ITGAD: variants seen among roughly 807,000 people sequenced by gnomAD.
The protein encoded by ITGAD is integrin alpha-D.
In ITGAD, 105 loss-of-function variants were observed where a neutral mutation model predicts 139.0. The ratio of observed to expected loss-of-function variants is 0.76; its 90% CI spans 0.65 to 0.89. The LOEUF (loss-of-function observed/expected upper bound fraction) is 0.89. ITGAD is among the 40% of genes least tolerant of loss of function. The probability of loss-of-function intolerance (pLI) is 0.00; values close to 1 mark genes in which losing one functional copy is unlikely to be tolerated. For missense variants in ITGAD, 1,384 were observed against 1,487.3 expected (o/e 0.93, Z 1.14); for synonymous variants, 569 against 598.3 (o/e 0.95, Z 0.71).
At chr16:31,404,853 CCTCCCTTT>C (rs1184043850) in intron 7 of ITGAD, among the ~76,000 whole-genome samples, 2 of 148,278 alleles carry the variant, frequency 1.3e-5, no homozygotes, top group African/African-American at 5.0e-5. Flanking sequence ...TTCCTCTCTT[CCTCCCTTT>C]CTCCCTTCCC....
At chr16:31,418,236 C>T (rs1327107301) in intron 21 of ITGAD, 45 bp downstream of exon 21, 3 of 1,603,706 alleles carry the variant, frequency 1.9e-6, no homozygotes, top group Middle Eastern at 3.3e-4. Context: ...TCCCTTGTCC[C>T]AATCTGTCCC....
chr16:31,413,079 T>A lies in ITGAD; in HGVS notation c.1839-10T>A. The A allele has an allele frequency of 6.2e-7, 1 of 1,613,980 alleles. No homozygotes were observed. The highest frequency in any genetic ancestry group is 8.5e-7 in the Non-Finnish European group (1 of 1,179,950). Reference sequence around the variant, plus strand: ...CAGTGTTCTGTCCTCCCCACTACTCTGCCCCTCAGGAGTCTGCCGGTGCTG... The same window carrying A: ...CAGTGTTCTGTCCTCCCCACTACTCAGCCCCTCAGGAGTCTGCCGGTGCTG... On this transcript the variant is annotated splice_polypyrimidine_tract_variant and intron_variant, in intron 15 of 29. Coordinates refer to ENST00000389202, the MANE Select transcript of ITGAD (RefSeq NM_005353.3).
intron 23 of ITGAD, among the ~76,000 whole-genome samples, chr16:31,420,107 G>A (rs530265129): frequency 6.6e-6 from 1 of 152,290 alleles, no homozygotes; most frequent in East Asian, 1.9e-4. Flanking sequence ...GCTTTTCTGA[G>A]CACCCTGAAT....
chr16:31,414,911 C>A lies in ITGAD; in HGVS notation c.2203C>A (p.Leu735Met). 6.2e-7 allele frequency: 1 copy of A among 1,614,154 alleles called. No individual in the cohort carries two copies. Among genetic ancestry groups the A allele is most frequent in the Non-Finnish European group, 8.5e-7 (1 of 1,180,020 alleles). The part of the protein sequence containing the change: ...SPIILHLNFS[L>M]VREPIPSPQN... ...CATCATTCTGCACCTCAACTTCTCA[C>A]TGGTGAGAGAGCCCATCCCCTCCCC... The change falls in exon 18 of 30, where the codon CTG (leucine) becomes ATG (methionine). Residue 735 changes from leucine to methionine, a missense_variant. Leu to Met is a conservative substitution (Grantham distance 15). Coordinates refer to ENST00000389202, the MANE Select transcript of ITGAD (RefSeq NM_005353.3).
At position 31,416,910 on chromosome 16, in the gene ITGAD, C is replaced by T. The variant is rs2081903028; in HGVS notation, c.2499+264C>T. On this transcript the variant is annotated intron_variant, in intron 20 of 29. Transcript: ENST00000389202. Reference sequence around the variant, plus strand: ...AGAACCCCCTCCCTGTTTACCTTTCCCCATCACAGCTCCATCCTGTCCCCA... The same window carrying T: ...AGAACCCCCTCCCTGTTTACCTTTCTCCATCACAGCTCCATCCTGTCCCCA... Among the ~76,000 whole-genome samples the T allele has an allele frequency of 2.6e-5, 4 of 151,702 alleles. No homozygotes were observed. The South Asian group carries it at 8.3e-4, about 32-fold the overall frequency.
At chr16:31,419,023 CAAAAAAAAA>C (rs34885660) in intron 23 of ITGAD, among the ~76,000 whole-genome samples, 1 of 89,970 alleles carries the variant, frequency 1.1e-5, no homozygotes, top group Non-Finnish European at 2.1e-5. Context: ...GACTCTGTCT[CAAAAAAAAA>C]AAAAAAAAAA....
intron 16 of ITGAD, 64 bp from the exon 17 acceptor site, chr16:31,414,387 A>G: frequency 6.4e-7 from 1 of 1,561,216 alleles, no homozygotes; most frequent in South Asian, 1.1e-5. Flanking sequence ...ATGAACAAAT[A>G]ATGAAAACAG....
Position 31,426,441 on chromosome 16 carries a change from G to A in ITGAD, c.*313G>A. The A allele has an allele frequency of 3.9e-6, 1 of 256,428 alleles. No individual in the cohort carries two copies. Among genetic ancestry groups the A allele is most frequent in the South Asian group, 5.0e-5 (1 of 19,924 alleles). 15.9% of individuals were successfully genotyped at this position (256,428 alleles called of 1,614,324 possible). ...TGGAAGAGCTATAACCCAGGGACCT[G>A]AGTGCCTCTCTGGGAATAGTCGGGG... is the stretch of plus-strand genomic sequence containing the variant. On this transcript the variant is annotated 3_prime_UTR_variant, in exon 30 of 30. Transcript: ENST00000389202.
Position 31,423,587 on chromosome 16 carries a change from C to G in ITGAD, c.2984C>G (p.Ser995Ter), listed in dbSNP as rs1489558565. ...TCTTCCCAGAGTCTCCCCTGTGTTT[C>G]AGAGAGAAAACCTCCCCAGCATTCT... is the stretch of plus-strand genomic sequence containing the variant. ...EAPSQSLPCV[S>*]ERKPPQHSDF... The change falls in exon 26 of 30, where the codon TCA becomes TGA. Residue 995 changes from serine to a stop codon, truncating the protein, a stop_gained. Transcript: ENST00000389202. LOFTEE classifies it high-confidence loss of function. The G allele has an allele frequency of 1.9e-5, 31 of 1,614,108 alleles. No homozygotes were observed. Among genetic ancestry groups the G allele is most frequent in the Non-Finnish European group, 2.5e-5 (30 of 1,179,982 alleles).
Position 31,414,948 on chromosome 16 carries a change from G to A in ITGAD, c.2240G>A (p.Arg747His), listed in dbSNP as rs200483957. 2.1e-4 allele frequency: 340 copies of A among 1,613,942 alleles called. 1 individual carries two copies. The highest frequency in any genetic ancestry group is 5.8e-5 in the Non-Finnish European group (69 of 1,180,014). Residue 747 changes from arginine to histidine, a missense_variant, in exon 18 of 30, where the codon CGT becomes CAT. By Grantham distance (29) the Arg-to-His change is conservative. Coordinates refer to ENST00000389202, the MANE Select transcript of ITGAD (RefSeq NM_005353.3). Reference sequence around the variant, plus strand: ...CCCATCCCCTCCCCCCAGAACCTGCGTCCTGTGCTGGCCGTGGGCTCACAA... The same window carrying A: ...CCCATCCCCTCCCCCCAGAACCTGCATCCTGTGCTGGCCGTGGGCTCACAA... Reference protein sequence around the residue: ...REPIPSPQNLRPVLAVGSQDL... With the variant: ...REPIPSPQNLHPVLAVGSQDL...
intron 7 of ITGAD, among the ~76,000 whole-genome samples, chr16:31,405,642 T>C (rs1436806469): frequency 2.3e-5 from 1 of 43,712 alleles, no homozygotes; most frequent in African/African-American, 1.2e-4. Flanking sequence ...TTGTTTTCCT[T>C]TTTTTTTTTT....
intron 10 of ITGAD, among the ~76,000 whole-genome samples, chr16:31,408,970 A>G (rs1175323332): frequency 6.6e-6 from 1 of 152,116 alleles, no homozygotes; most frequent in African/African-American, 2.4e-5. Flanking sequence ...GGGATCAAAG[A>G]TGTGGTTTGG....
rs374336475 is a variant in ITGAD, at chr16:31,418,339, C to T, written c.2655C>T (p.Ala885=). The T allele has an allele frequency of 2.9e-5, 46 of 1,613,982 alleles. No homozygotes were observed. Among genetic ancestry groups the T allele is most frequent in the Non-Finnish European group, 3.8e-5 (45 of 1,180,020 alleles). ...TCACATTCGATGTCTCCTACAAGGC[C>T]ACCCTGGGAGACAGGATGCTTATGA... The part of the protein sequence containing the change: ...FIVTFDVSYK[A]TLGDRMLMRA... The change falls in exon 22 of 30, where the codon GCC becomes GCT. Residue 885 remains alanine (A), a synonymous_variant. Coordinates refer to ENST00000389202, the MANE Select transcript of ITGAD (RefSeq NM_005353.3).
chr16:31,398,214 C>G (rs1371786332), intron 5 of ITGAD, among the ~76,000 whole-genome samples: 1 of 151,954 alleles, frequency 6.6e-6, no homozygotes, highest in Non-Finnish European at 1.5e-5. Flanking sequence ...GTCAGGAGTT[C>G]GAGACCAGCC....
intron 28 of ITGAD, 60 bp downstream of exon 28, chr16:31,424,263 T>G: frequency 6.3e-7 from 1 of 1,592,100 alleles, no homozygotes; most frequent in Non-Finnish European, 8.6e-7. Context: ...GCTACATCTG[T>G]GGTGCTGGGT....
chr16:31,402,173 C>T lies in ITGAD; in HGVS notation c.486C>T (p.Asp162=), dbSNP rs1376964708. The change falls in exon 6 of 30, where the codon GAC becomes GAT. Residue 162 remains aspartate (D), a synonymous_variant. Transcript: ENST00000389202. ...VFLIDGSGSI[D]QNDFNQMKGF... is the part of the protein sequence containing the mutation. ...TGATTGACGGCTCTGGAAGCATTGA[C>T]CAAAATGACTTTAACCAGATGAAGG... The T allele has an allele frequency of 1.2e-6, 2 of 1,612,632 alleles. No individual in the cohort carries two copies. The highest frequency in any genetic ancestry group is 1.3e-5 in the African/African-American group (1 of 74,870).
intron 4 of ITGAD, 40 bp downstream of exon 4, chr16:31,397,706 C>CCCCCGGG: frequency 3.3e-6 from 1 of 299,960 alleles, no homozygotes; most frequent in Non-Finnish European, 5.6e-6. Flanking sequence ...TGGGGTGGGG[C>CCCCCGGG]GGGGGGTGTT....
intron 23 of ITGAD, among the ~76,000 whole-genome samples, chr16:31,419,308 T>C (rs1054942947): frequency 1.3e-5 from 2 of 152,216 alleles, no homozygotes; most frequent in African/African-American, 2.4e-5. Flanking sequence ...ATAGCAGTTG[T>C]AACATTGTAG....
rs777888053 is a variant in ITGAD at position 31,410,699 on chromosome 16, GA to G, written c.1214-35del. 7.9e-5 allele frequency: 123 copies of G among 1,562,892 alleles called. No homozygotes were observed. The African/African-American group carries it at 1.6e-3, about 20-fold the overall frequency. On this transcript the variant is annotated intron_variant, in intron 11 of 29. Transcript: ENST00000389202. ...GGGGGTCCAGGGTTCTGGGGAGGGG[GA>G]ATGGGGGCCTTTGTGCTGAGGCCTG...
Sources: allele counts gnomAD v4.1 joint callset (sites outside exome capture counted in the v4.1 genomes callset), GRCh38; gene constraint gnomAD v4.1.1; transcripts MANE v1.5; gene names NCBI Gene and HGNC (gene_info 2026-07-23, HGNC 2026-07-21).